BACH2: variants seen among roughly 807,000 people sequenced by gnomAD.
The protein encoded by BACH2 is transcription regulator protein BACH2.
A neutral mutation model predicts 61.8 loss-of-function variants in BACH2; 5 were observed. The ratio of observed to expected loss-of-function variants is 0.08; its 90% CI spans 0.04 to 0.17. The LOEUF (loss-of-function observed/expected upper bound fraction) is 0.17, where lower values mean the gene tolerates loss of function less well. BACH2 is among the 10% of genes least tolerant of loss of function. The pLI is 1.00. For synonymous variants in BACH2, 446 were observed against 440.1 expected (o/e 1.01, Z -0.17); for missense variants, 824 against 1,091.1 (o/e 0.76, Z 3.45).
At chr6:90,030,244 G>GC (rs1024539276) in intron 5 of BACH2, among the ~76,000 whole-genome samples, 43 of 152,214 alleles carry the variant, frequency 2.8e-4, no homozygotes, top group African/African-American at 9.6e-4. Context: ...CAGGAAAACA[G>GC]CCAGCACACA....
intron 6 of BACH2, among the ~76,000 whole-genome samples, chr6:89,977,917 C>T (rs750768212): frequency 2.0e-5 from 3 of 152,302 alleles, no homozygotes; most frequent in East Asian, 1.9e-4. Context: ...GCTGAGCGTA[C>T]GCTGGATCTA....
At chr6:90,270,809 T>A (rs547995029) in intron 2 of BACH2, among the ~76,000 whole-genome samples, 2 of 152,132 alleles carry the variant, frequency 1.3e-5, no homozygotes, top group Admixed American at 1.3e-4. Context: ...AGGCATCACA[T>A]TGCCCAATTT....
intron 1 of BACH2, among the ~76,000 whole-genome samples, chr6:90,291,877 A>C (rs1772190494): frequency 1.3e-5 from 2 of 152,132 alleles, no homozygotes; most frequent in African/African-American, 2.4e-5. Context: ...AAGAAATTCC[A>C]ATTTTTGCAA....
chr6:90,196,483 CCTTTT>C (rs1377590330), intron 4 of BACH2, among the ~76,000 whole-genome samples: 6 of 152,122 alleles, frequency 3.9e-5, no homozygotes, highest in Non-Finnish European at 8.8e-5. Flanking sequence ...GTTTAATATT[CCTTTT>C]CTTATCTTCA....
chr6:89,939,973 A>G (rs977292085), intron 7 of BACH2, among the ~76,000 whole-genome samples: 1 of 151,040 alleles, frequency 6.6e-6, no homozygotes, highest in African/African-American at 2.4e-5. Flanking sequence ...AAGTGTTGGT[A>G]TTACAGGTGG....
intron 6 of BACH2, among the ~76,000 whole-genome samples, chr6:89,988,549 C>A (rs1776366278): frequency 6.6e-6 from 1 of 152,150 alleles, no homozygotes; most frequent in South Asian, 2.1e-4. Context: ...GGTTTTAGGA[C>A]AGAACCGGGT....
chr6:89,995,708 G>A (rs148459143), intron 6 of BACH2, among the ~76,000 whole-genome samples: 1 of 152,206 alleles, frequency 6.6e-6, no homozygotes, highest in African/African-American at 2.4e-5. Context: ...AAAACAATAC[G>A]TGGCACTAGA....
At chr6:90,035,899 T>C (rs983193183) in intron 5 of BACH2, among the ~76,000 whole-genome samples, 17 of 151,860 alleles carry the variant, frequency 1.1e-4, no homozygotes, top group African/African-American at 3.9e-4. Context: ...GTTTCCACTA[T>C]ATTTTATTAA....
chr6:90,295,937 G>T (rs1351602350), intron 1 of BACH2, among the ~76,000 whole-genome samples: 3 of 152,138 alleles, frequency 2.0e-5, no homozygotes, highest in African/African-American at 7.2e-5. Flanking sequence ...TGAGCGCAAA[G>T]GCGCCGCGGC....
At chr6:90,173,812 T>C (rs1212910010) in intron 4 of BACH2, among the ~76,000 whole-genome samples, 1 of 152,104 alleles carries the variant, frequency 6.6e-6, no homozygotes, top group Non-Finnish European at 1.5e-5. Flanking sequence ...AATATGTGAG[T>C]TTGATCATAT....
chr6:90,255,025 G>C (rs560389051), intron 2 of BACH2, among the ~76,000 whole-genome samples: 125 of 152,278 alleles, frequency 8.2e-4, no homozygotes, highest in African/African-American at 2.8e-3. Flanking sequence ...GGTGGCTGGA[G>C]CCTTCACAAA....
intron 1 of BACH2, among the ~76,000 whole-genome samples, chr6:90,294,406 T>TAA (rs929832694): frequency 6.6e-6 from 1 of 151,778 alleles, no homozygotes; most frequent in East Asian, 1.9e-4. Flanking sequence ...GTTTCGAGAG[T>TAA]AAAAAAAACG....
intron 4 of BACH2, among the ~76,000 whole-genome samples, chr6:90,205,026 G>A (rs547734114): frequency 6.6e-6 from 1 of 152,144 alleles, no homozygotes; most frequent in Admixed American, 6.5e-5. Flanking sequence ...CATAAAACTT[G>A]CATCTAGGGA....
intron 5 of BACH2, among the ~76,000 whole-genome samples, chr6:90,076,728 C>T (rs1420439071): frequency 6.6e-6 from 1 of 152,118 alleles, no homozygotes; most frequent in African/African-American, 2.4e-5. Context: ...GTGTCGTGGC[C>T]TGACACTGAT....
At chr6:89,942,667 A>G (rs1279896286) in intron 7 of BACH2, among the ~76,000 whole-genome samples, 1 of 152,080 alleles carries the variant, frequency 6.6e-6, no homozygotes, top group Non-Finnish European at 1.5e-5. Flanking sequence ...ATATAAGGGG[A>G]AGGGCACGAG....
intron 4 of BACH2, among the ~76,000 whole-genome samples, chr6:90,136,346 G>A (rs1784271081): frequency 1.3e-5 from 2 of 152,238 alleles, no homozygotes; most frequent in Admixed American, 1.3e-4. Flanking sequence ...TGGAGTCAGA[G>A]AGATCTGATT....
intron 4 of BACH2, among the ~76,000 whole-genome samples, chr6:90,153,963 C>G (rs149836856): frequency 6.6e-6 from 1 of 152,256 alleles, no homozygotes; most frequent in African/African-American, 2.4e-5. Flanking sequence ...TACCCTTTTA[C>G]GGCTTGGTTA....
chr6:89,979,450 C>T (rs1362929329), intron 6 of BACH2, among the ~76,000 whole-genome samples: 3 of 152,170 alleles, frequency 2.0e-5, no homozygotes, highest in Admixed American at 6.5e-5. Flanking sequence ...AATGACAATA[C>T]AGTGTAACAG....
At chr6:90,290,479 G>A (rs549953451) in intron 1 of BACH2, among the ~76,000 whole-genome samples, 2 of 152,290 alleles carry the variant, frequency 1.3e-5, no homozygotes, top group Non-Finnish European at 2.9e-5. Flanking sequence ...AATGAATGAG[G>A]CATCTGCCTC....
Sources: gnomAD v4.1 joint callset for allele counts (sites outside exome capture counted in the v4.1 genomes callset) on GRCh38, gnomAD v4.1.1 for gene constraint, MANE v1.5 for transcripts, NCBI Gene and HGNC (gene_info 2026-07-23, HGNC 2026-07-21) for gene names.